Variants in HDX observed in about 807,000 individuals in gnomAD.
The protein encoded by HDX is chromosome X open reading frame 43.
Under a neutral mutation model 45.2 loss-of-function variants are expected in HDX, and 19 were observed. The observed-to-expected ratio is 0.42, with a 90% confidence interval of 0.29 to 0.62. The LOEUF (loss-of-function observed/expected upper bound fraction) is 0.62. Among genes scored for constraint, HDX ranks in the 20% least tolerant of loss-of-function variants. The pLI, the probability that HDX is intolerant of heterozygous loss-of-function variation, is 0.20. For missense variants in HDX, 532 were observed against 493.9 expected, an observed-to-expected ratio of 1.08 and a Z score of -0.73; for synonymous variants, 188 against 172.8, an observed-to-expected ratio of 1.09 and a Z score of -0.69.
At chrX:84,416,626 G>A (rs932880504) in intron 5 of HDX, among the ~76,000 whole-genome samples, 14 of 111,178 alleles carry the variant, frequency 1.3e-4, no homozygotes, top group African/African-American at 4.6e-4. Flanking sequence ...CATGGACAAT[G>A]TGTGGCACGT....
Position 84,468,899 on chromosome X carries a change from T to G in HDX, c.824A>C (p.Gln275Pro). The G allele has an allele frequency of 8.3e-7, 1 of 1,211,361 alleles. No individual in the cohort carries two copies. The highest frequency in any genetic ancestry group is 1.1e-6 in the Non-Finnish European group (1 of 895,136). ...TGGGGCATTTCCTCCCAGAATTCTC[T>G]GGGGGTAATCGCTAACTGCCAATGA... ...VFSLAVSDYPQRILGGNAPQK... is the reference protein window; with the variant it reads ...VFSLAVSDYPPRILGGNAPQK... Residue 275 changes from glutamine (Q) to proline (P), a missense_variant, in exon 4 of 11, where the codon CAG (glutamine) becomes CCG (proline). Around this residue, in one of 3 missense-constraint regions of HDX, gnomAD observed 376 missense variants for 343.7 expected, o/e 1.09. Coordinates refer to ENST00000373177, the MANE Select transcript of HDX (RefSeq NM_001177479.2).
chrX:84,336,364 C>T (rs1602265602), intron 8 of HDX, among the ~76,000 whole-genome samples: 1 of 110,974 alleles, frequency 9.0e-6, no homozygotes, highest in Middle Eastern at 4.7e-3. Context: ...AACACACCAT[C>T]AATAGGTATG....
At chrX:84,421,559 C>A (rs1383629396) in intron 5 of HDX, among the ~76,000 whole-genome samples, 2 of 108,901 alleles carry the variant, frequency 1.8e-5, no homozygotes, top group African/African-American at 6.7e-5. Flanking sequence ...AAAGTGAGTC[C>A]TAATTTGTCA....
chrX:84,382,093 G>T (rs1216970620), intron 5 of HDX, among the ~76,000 whole-genome samples: 2 of 111,330 alleles, frequency 1.8e-5, no homozygotes, highest in Non-Finnish European at 3.8e-5. Flanking sequence ...CATATGAAAA[G>T]GTGCTCAACA....
At chrX:84,440,442 G>T in intron 5 of HDX, 90 bp downstream of exon 5, 3 of 629,713 alleles carry the variant, frequency 4.8e-6, no homozygotes, top group Non-Finnish European at 7.9e-6. Flanking sequence ...AGTTTTGCCA[G>T]CTTTACAAAT....
chrX:84,326,024 A>T (rs1286334933), intron 10 of HDX, among the ~76,000 whole-genome samples, 154 bp downstream of exon 10: 1 of 111,743 alleles, frequency 8.9e-6, no homozygotes, highest in Non-Finnish European at 1.9e-5. Context: ...TCTATTCTCA[A>T]GAAAACTGTT....
chrX:84,466,982 G>A (rs1195600366), intron 4 of HDX, among the ~76,000 whole-genome samples: 1 of 111,294 alleles, frequency 9.0e-6, no homozygotes, highest in Non-Finnish European at 1.9e-5. Flanking sequence ...CTATTATTAA[G>A]AACAACACTG....
chrX:84,446,608 AC>A (rs1292597443), intron 4 of HDX, among the ~76,000 whole-genome samples: 4 of 111,627 alleles, frequency 3.6e-5, no homozygotes, highest in African/African-American at 1.3e-4. Context: ...TAAAAAAAAA[AC>A]CAGCAGAAAG....
chrX:84,469,033 T>C lies in HDX; in HGVS notation c.690A>G (p.Ser230=). ...CKIEPVGIQR[S]YKPEHTGPAL... is the part of the protein sequence containing the mutation. ...CTGGGCCTGTGTGTTCAGGCTTATATGACCTTTGAATCCCAACTGGTTCAA... is the reference window on the plus strand; with the variant it reads ...CTGGGCCTGTGTGTTCAGGCTTATACGACCTTTGAATCCCAACTGGTTCAA... Residue 230 remains serine, a synonymous_variant, in exon 4 of 11, where the codon TCA becomes TCG. Coordinates refer to ENST00000373177, the MANE Select transcript of HDX (RefSeq NM_001177479.2). The C allele has an allele frequency of 4.1e-6, 5 of 1,211,798 alleles. No homozygotes were observed. Among genetic ancestry groups the C allele is most frequent in the Admixed American group, 2.2e-5 (1 of 46,048 alleles).
chrX:84,455,504 G>A (rs1440824680), intron 4 of HDX, among the ~76,000 whole-genome samples: 1 of 111,773 alleles, frequency 8.9e-6, no homozygotes, highest in Non-Finnish European at 1.9e-5. Context: ...TTGGAGACAT[G>A]CTATTTGAAA....
intron 1 of HDX, among the ~76,000 whole-genome samples, chrX:84,492,658 C>T (rs1447814959): frequency 2.7e-5 from 3 of 111,420 alleles, no homozygotes; most frequent in African/African-American, 6.5e-5. Flanking sequence ...ATCAGTACTG[C>T]GAATAACTCT....
At chrX:84,478,486 A>G (rs951587220) in intron 2 of HDX, among the ~76,000 whole-genome samples, 2 of 112,042 alleles carry the variant, frequency 1.8e-5, no homozygotes, top group Non-Finnish European at 3.8e-5. Flanking sequence ...ATTCGATGCC[A>G]TACTTAAAAC....
intron 5 of HDX, among the ~76,000 whole-genome samples, chrX:84,429,113 A>G (rs1006502940): frequency 9.0e-6 from 1 of 110,759 alleles, no homozygotes; most frequent in Non-Finnish European, 1.9e-5. Context: ...TGAAAACATG[A>G]AGTGTTATCC....
chrX:84,364,983 C>T (rs7884109), intron 5 of HDX, among the ~76,000 whole-genome samples: 1 of 111,099 alleles, frequency 9.0e-6, no homozygotes, highest in Non-Finnish European at 1.9e-5. Flanking sequence ...ATATATGAAA[C>T]ATTTTCTCTG....
chrX:84,370,797 C>T (rs1291078333), intron 5 of HDX, among the ~76,000 whole-genome samples: 1 of 112,193 alleles, frequency 8.9e-6, no homozygotes, highest in Non-Finnish European at 1.9e-5. Flanking sequence ...CATAGCTAAG[C>T]TTAAAAGCAT....
At chrX:84,394,863 C>A (rs940698632) in intron 5 of HDX, among the ~76,000 whole-genome samples, 1 of 110,511 alleles carries the variant, frequency 9.0e-6, no homozygotes, top group African/African-American at 3.3e-5. Flanking sequence ...CTTTTTCCAA[C>A]CCTTTATTTT....
chrX:84,476,463 T>C (rs1220481699), intron 2 of HDX, among the ~76,000 whole-genome samples: 1 of 104,024 alleles, frequency 9.6e-6, no homozygotes, highest in Non-Finnish European at 1.9e-5. Flanking sequence ...GAGGATTGCT[T>C]GAGCCCCAGA....
At chrX:84,337,868 T>TA (rs2036999283) in intron 7 of HDX, among the ~76,000 whole-genome samples, 1 of 111,140 alleles carries the variant, frequency 9.0e-6, no homozygotes, top group African/African-American at 3.3e-5. Context: ...GGGGAACTGG[T>TA]CGGTTCAAGG....
chrX:84,458,125 G>T (rs967234470), intron 4 of HDX, among the ~76,000 whole-genome samples: 24 of 111,235 alleles, frequency 2.2e-4, no homozygotes, highest in African/African-American at 7.8e-4. Context: ...TTCTGAAGAA[G>T]GCCTCAAGTC....
Sources: gnomAD v4.1 joint callset for allele counts (sites outside exome capture counted in the v4.1 genomes callset) on GRCh38, gnomAD v4.1.1 for gene constraint, gnomAD v4.1.1 regional missense constraint, MANE v1.5 for transcripts, NCBI Gene and HGNC (gene_info 2026-07-23, HGNC 2026-07-21) for gene names.